CNTNAP5: variants seen among roughly 807,000 people sequenced by gnomAD.
CNTNAP5 encodes contactin-associated protein-like 5.
A neutral mutation model predicts 150.2 loss-of-function variants in CNTNAP5; 72 were observed. That is an observed-to-expected ratio of 0.48 (90% CI 0.40 to 0.58). The LOEUF (loss-of-function observed/expected upper bound fraction) is 0.58. Ranked by LOEUF, CNTNAP5 falls within the 20% of genes least tolerant of loss-of-function variation. The pLI is 0.00. For missense variants in CNTNAP5, 1,636 were observed against 1,626.2 expected, an observed-to-expected ratio of 1.01 and a Z score of -0.10; for synonymous variants, 672 against 619.8, an observed-to-expected ratio of 1.08 and a Z score of -1.25.
chr2:124,899,871 T>A (rs1339800380), intron 21 of CNTNAP5, among the ~76,000 whole-genome samples: 2 of 151,494 alleles, frequency 1.3e-5, no homozygotes, highest in South Asian at 2.1e-4. Context: ...CAGAGTTCAG[T>A]GAATTCTGTG....
chr2:124,481,632 C>G (rs374308855), intron 7 of CNTNAP5, among the ~76,000 whole-genome samples: 165 of 151,986 alleles, frequency 1.1e-3, no homozygotes, highest in African/African-American at 4.0e-3. Context: ...TATCATAGAC[C>G]ACAGTTTATT....
At chr2:124,768,775 G>T (rs144948230) in intron 16 of CNTNAP5, among the ~76,000 whole-genome samples, 1 of 152,198 alleles carries the variant, frequency 6.6e-6, no homozygotes, top group African/African-American at 2.4e-5. Flanking sequence ...GACAATGTTA[G>T]AACTTAAGAG....
chr2:124,125,938 C>G (rs1225658206), intron 1 of CNTNAP5, among the ~76,000 whole-genome samples: 1 of 152,112 alleles, frequency 6.6e-6, no homozygotes, highest in Non-Finnish European at 1.5e-5. Context: ...ATTTATAGCA[C>G]TAAATGTCCA....
intron 13 of CNTNAP5, among the ~76,000 whole-genome samples, chr2:124,658,071 CAA>C (rs879481027): frequency 6.6e-6 from 1 of 152,158 alleles, no homozygotes; most frequent in Non-Finnish European, 1.5e-5. Flanking sequence ...CACCTAGGGA[CAA>C]TTGAGTGAAT....
Position 124,199,607 on chromosome 2 carries a change from G to T in CNTNAP5, c.83-22098G>T, listed in dbSNP as rs532658508. ...ATTTTTTATTTGTAGTAGAGACGGG[G>T]TTTCTCCATGTTGGTCAGGCTGGTC... On this transcript the variant is annotated intron_variant, in intron 1 of 23. Coordinates refer to ENST00000682447, the MANE Select transcript of CNTNAP5 (RefSeq NM_001367498.1). 4.6e-5 allele frequency among the ~76,000 whole-genome samples: 7 copies of T among 151,886 alleles called. No homozygotes were observed. The East Asian group carries it at 1.4e-3, about 30-fold the overall frequency.
intron 13 of CNTNAP5, among the ~76,000 whole-genome samples, chr2:124,665,969 G>A (rs1678692823): frequency 1.3e-5 from 2 of 151,972 alleles, no homozygotes; most frequent in East Asian, 3.9e-4. Context: ...CTGAAATAGT[G>A]TTCATACATG....
At chr2:124,867,291 G>T (rs1295264639) in intron 20 of CNTNAP5, among the ~76,000 whole-genome samples, 1 of 152,170 alleles carries the variant, frequency 6.6e-6, no homozygotes, top group Admixed American at 6.5e-5. Flanking sequence ...TTCTTACAGT[G>T]TTCCATTCTC....
chr2:124,712,465 A>G (rs1311469030), intron 13 of CNTNAP5, among the ~76,000 whole-genome samples: 3 of 152,234 alleles, frequency 2.0e-5, no homozygotes, highest in Non-Finnish European at 2.9e-5. Flanking sequence ...GCTCTTGCCC[A>G]CTGATGTTCT....
intron 13 of CNTNAP5, among the ~76,000 whole-genome samples, chr2:124,656,559 AC>A (rs1678462426): frequency 6.6e-6 from 1 of 152,212 alleles, no homozygotes; most frequent in African/African-American, 2.4e-5. Flanking sequence ...GGTGGGTCTT[AC>A]CAACAAGGTG....
chr2:124,054,723 A>G lies in CNTNAP5; in HGVS notation c.82+28991A>G, dbSNP rs535222096. Among the ~76,000 whole-genome samples, 3 of 152,346 alleles carry G rather than the reference A, an allele frequency of 2.0e-5. No individual in the cohort carries two copies. In the South Asian group the frequency reaches 6.2e-4, roughly 32 times the overall value. ...CATAATTCCAAAAGATATGGAAACT[A>G]TATAACTCACAGCACTCAAGCCCCT... On this transcript the variant is annotated intron_variant, in intron 1 of 23. Coordinates refer to ENST00000682447, the MANE Select transcript of CNTNAP5 (RefSeq NM_001367498.1).
At chr2:124,434,449 C>T in intron 4 of CNTNAP5, 35 bp from the exon 5 acceptor site, 1 of 1,506,338 alleles carries the variant, frequency 6.6e-7, no homozygotes, top group Non-Finnish European at 9.2e-7. Context: ...AGAATATGCA[C>T]TAATTTTTCT....
intron 10 of CNTNAP5, among the ~76,000 whole-genome samples, chr2:124,534,099 G>T: frequency 6.6e-6 from 1 of 152,170 alleles, no homozygotes; most frequent in East Asian, 1.9e-4. Context: ...TCACTTATAA[G>T]TGGGAGCTAG....
intron 1 of CNTNAP5, among the ~76,000 whole-genome samples, chr2:124,194,071 A>G (rs1685518475): frequency 6.6e-6 from 1 of 151,668 alleles, no homozygotes; most frequent in African/African-American, 2.4e-5. Flanking sequence ...TCTGATTCTC[A>G]CTCATCCTAG....
intron 1 of CNTNAP5, among the ~76,000 whole-genome samples, chr2:124,102,546 C>T (rs1445490649): frequency 1.3e-5 from 2 of 152,136 alleles, no homozygotes; most frequent in Non-Finnish European, 2.9e-5. Context: ...AATGATAACA[C>T]CAACAGAAGT....
chr2:124,130,209 C>G (rs1450381461), intron 1 of CNTNAP5, among the ~76,000 whole-genome samples: 1 of 151,946 alleles, frequency 6.6e-6, no homozygotes, highest in Non-Finnish European at 1.5e-5. Context: ...AAGAAATTAC[C>G]TTTGTTTTAG....
At chr2:124,788,220 C>G (rs1437781723) in intron 17 of CNTNAP5, among the ~76,000 whole-genome samples, 1 of 152,150 alleles carries the variant, frequency 6.6e-6, no homozygotes, top group East Asian at 1.9e-4. Flanking sequence ...TTTCAACACA[C>G]GTTTTTCTGA....
At chr2:124,035,798 T>C (rs1300143547) in intron 1 of CNTNAP5, among the ~76,000 whole-genome samples, 1 of 152,116 alleles carries the variant, frequency 6.6e-6, no homozygotes, top group Non-Finnish European at 1.5e-5. Context: ...TTCAGTTTTT[T>C]GGCTCTTTCT....
intron 3 of CNTNAP5, among the ~76,000 whole-genome samples, chr2:124,306,406 C>T (rs780007): frequency 0.55 from 83,331 of 151,906 alleles, 23,196 homozygotes; most frequent in Non-Finnish European, 0.58. Context: ...AGCAGTCTTT[C>T]CCCCCCAAAT....
chr2:124,128,119 A>T (rs1683758257), intron 1 of CNTNAP5, among the ~76,000 whole-genome samples: 1 of 152,226 alleles, frequency 6.6e-6, no homozygotes, highest in Non-Finnish European at 1.5e-5. Context: ...CAGAGTGAAC[A>T]GGCAACCTAC....
Sources: allele counts gnomAD v4.1 joint callset (sites outside exome capture counted in the v4.1 genomes callset), GRCh38; gene constraint gnomAD v4.1.1; transcripts MANE v1.5; gene names NCBI Gene and HGNC (gene_info 2026-07-23, HGNC 2026-07-21).